ZNF730: variants seen among roughly 807,000 people sequenced by gnomAD.
ZNF730 encodes zinc finger protein 730.
ZNF730 carries 12 observed loss-of-function variants against 12.6 expected under a neutral mutation model. The ratio of observed to expected loss-of-function variants is 0.95; its 90% CI spans 0.61 to 1.54. The LOEUF is 1.54. Among genes scored for constraint, ZNF730 ranks in the 40% most tolerant of loss-of-function variants. ZNF730 has a pLI of 0.00. For missense variants in ZNF730, 643 were observed against 583.5 expected, an observed-to-expected ratio of 1.10 and a Z score of -1.05; for synonymous variants, 194 against 195.8, an observed-to-expected ratio of 0.99 and a Z score of 0.08.
At chr19:23,089,057 A>G (rs1353937751) in intron 1 of ZNF730, among the ~76,000 whole-genome samples, 1 of 151,842 alleles carries the variant, frequency 6.6e-6, no homozygotes, top group African/African-American at 2.4e-5. Flanking sequence ...TTTTTAGTAG[A>G]GAGGGGGTTT....
intron 3 of ZNF730, among the ~76,000 whole-genome samples, chr19:23,138,902 A>G (rs937105101): frequency 6.6e-6 from 1 of 152,156 alleles, no homozygotes; most frequent in East Asian, 1.9e-4. Context: ...GATTGCTGAC[A>G]GATTTTCTTG....
chr19:23,145,951 A>G lies in ZNF730; in HGVS notation c.907A>G (p.Lys303Glu). Reference protein sequence around the residue: ...FNQSSNLTEHKKIHTKEQPYK... With the variant: ...FNQSSNLTEHEKIHTKEQPYK... ...CCAGTCCTCAAACCTTACTGAACAT[A>G]AGAAAATTCATACTAAAGAGCAACC... Residue 303 changes from lysine (K) to glutamate (E), a missense_variant, in exon 4 of 4, where the codon AAG becomes GAG. Transcript: ENST00000597761. 1 of 1,608,018 alleles carries G rather than the reference A, an allele frequency of 6.2e-7. No individual in the cohort carries two copies.
At chr19:23,097,112 CTCTTCTCCTGACTT>C (rs1970264803) in intron 1 of ZNF730, among the ~76,000 whole-genome samples, 1 of 152,168 alleles carries the variant, frequency 6.6e-6, no homozygotes, top group East Asian at 1.9e-4. Context: ...GGAGATTTAA[CTCTTCTCCTGACTT>C]TCTTCTCCTG....
intron 3 of ZNF730, among the ~76,000 whole-genome samples, chr19:23,142,634 G>A (rs1422794957): frequency 1.4e-5 from 2 of 142,528 alleles, no homozygotes; most frequent in East Asian, 2.1e-4. Context: ...CTTGCAGTGA[G>A]CCAAGATCGC....
chr19:23,114,300 C>CTTTTTTTTTTTTTTTTTTTTT (rs11413226), upstream of ZNF730, among the ~76,000 whole-genome samples: 2 of 119,540 alleles, frequency 1.7e-5, 1 homozygote, highest in African/African-American at 7.0e-5. Context: ...TTTTCTTTTT[C>CTTTTTTTTTTTTTTTTTTTTT]TTTTCTTTTT....
chr19:23,091,295 T>C (rs924375044), intron 1 of ZNF730, among the ~76,000 whole-genome samples: 1 of 152,208 alleles, frequency 6.6e-6, no homozygotes, highest in African/African-American at 2.4e-5. Flanking sequence ...AGAAGTTTGC[T>C]GCAGGGGTGG....
At chr19:23,111,496 C>T (rs1042834825) in intron 1 of ZNF730, among the ~76,000 whole-genome samples, 1 of 152,146 alleles carries the variant, frequency 6.6e-6, no homozygotes, top group African/African-American at 2.4e-5. Flanking sequence ...CCTGTAATCC[C>T]AGCAGTTTTG....
intron 3 of ZNF730, among the ~76,000 whole-genome samples, chr19:23,142,148 A>G (rs922854191): frequency 6.6e-6 from 1 of 151,816 alleles, no homozygotes; most frequent in African/African-American, 2.4e-5. Flanking sequence ...TTGAGGTCCT[A>G]TTTTGTCTCT....
intron 1 of ZNF730, among the ~76,000 whole-genome samples, chr19:23,099,285 G>A (rs1053978888): frequency 6.6e-6 from 1 of 152,008 alleles, no homozygotes; most frequent in Non-Finnish European, 1.5e-5. Flanking sequence ...CCTAGACTTA[G>A]AGCCGCATAA....
chr19:23,110,180 T>C (rs1970445443), intron 1 of ZNF730, among the ~76,000 whole-genome samples: 1 of 124,326 alleles, frequency 8.0e-6, no homozygotes, highest in Non-Finnish European at 1.7e-5. Flanking sequence ...TTGATCAGGC[T>C]GGATGGTCTC....
At chr19:23,099,061 G>A (rs953592153) in intron 1 of ZNF730, among the ~76,000 whole-genome samples, 3 of 152,048 alleles carry the variant, frequency 2.0e-5, no homozygotes, top group African/African-American at 7.2e-5. Context: ...TAAGCACACT[G>A]TCAATTTTTA....
Position 23,146,207 on chromosome 19 carries a change from T to C in ZNF730, c.1163T>C (p.Ile388Thr), listed in dbSNP as rs770700287. 9.3e-6 allele frequency: 15 copies of C among 1,609,706 alleles called. No homozygotes were observed. Among genetic ancestry groups the C allele is most frequent in the Non-Finnish European group, 1.3e-5 (15 of 1,177,850 alleles). The part of the protein sequence containing the change: ...NQSSTLTIHK[I>T]IHTVEKFYKC... Reference sequence around the variant, plus strand: ...TCCTCAACTCTTACTATACATAAGATAATTCATACTGTAGAGAAATTTTAC... The same window carrying C: ...TCCTCAACTCTTACTATACATAAGACAATTCATACTGTAGAGAAATTTTAC... Residue 388 changes from isoleucine (I) to threonine (T), a missense_variant, in exon 4 of 4, where the codon ATA becomes ACA. Physicochemically the swap from Ile to Thr is moderately conservative, Grantham distance 89. Coordinates refer to ENST00000597761, the MANE Select transcript of ZNF730 (RefSeq NM_001277403.2).
At chr19:23,077,329 C>T (rs1237254969) in intron 1 of ZNF730, among the ~76,000 whole-genome samples, 2 of 151,120 alleles carry the variant, frequency 1.3e-5, no homozygotes, top group Non-Finnish European at 2.9e-5. Context: ...CTCCTGACCT[C>T]AGGTGATCTG....
chr19:23,081,780 A>G (rs545786444), intron 1 of ZNF730, among the ~76,000 whole-genome samples: 1 of 152,212 alleles, frequency 6.6e-6, no homozygotes, highest in African/African-American at 2.4e-5. Context: ...TTGTTTATAG[A>G]CAGACTCTTG....
chr19:23,112,829 T>G (rs375173071), upstream of ZNF730, among the ~76,000 whole-genome samples: 130 of 152,342 alleles, frequency 8.5e-4, 2 homozygotes, highest in South Asian at 0.014. Context: ...TCCACTGCTC[T>G]TAACCTATTT....
intron 1 of ZNF730, among the ~76,000 whole-genome samples, chr19:23,099,419 C>A (rs1970303166): frequency 6.6e-6 from 1 of 152,058 alleles, no homozygotes; most frequent in South Asian, 2.1e-4. Flanking sequence ...AGATTGTGAC[C>A]CTCATATTCA....
chr19:23,090,672 C>T (rs1344244394), intron 1 of ZNF730, among the ~76,000 whole-genome samples: 4 of 152,096 alleles, frequency 2.6e-5, no homozygotes, highest in East Asian at 1.9e-4. Context: ...CACAGCAGCT[C>T]CTCCCATCAC....
chr19:23,101,754 G>T (rs772832489), intron 1 of ZNF730, among the ~76,000 whole-genome samples: 2 of 149,936 alleles, frequency 1.3e-5, no homozygotes, highest in Non-Finnish European at 2.9e-5. Flanking sequence ...ATTTTTAGTA[G>T]AGACGGGGTT....
intron 1 of ZNF730, among the ~76,000 whole-genome samples, chr19:23,129,562 A>C (rs1970716722): frequency 1.4e-5 from 2 of 141,128 alleles, no homozygotes; most frequent in Non-Finnish European, 3.0e-5. Context: ...GTATTTACCC[A>C]ATGCTTGTAT....
Sources: gnomAD v4.1 joint callset for allele counts (sites outside exome capture counted in the v4.1 genomes callset) on GRCh38, gnomAD v4.1.1 for gene constraint, MANE v1.5 for transcripts, NCBI Gene and HGNC (gene_info 2026-07-23, HGNC 2026-07-21) for gene names.